Variants in ACTMAP observed in about 807,000 individuals in gnomAD.
ACTMAP encodes the protein UPF0692 protein C19orf54.
chr19:40,747,159 G>A, the ACTMAP span, among the ~76,000 whole-genome samples: 1 of 152,118 alleles, frequency 6.6e-6, no homozygotes, highest in Non-Finnish European at 1.5e-5. Flanking sequence ...TTCGGTTTGG[G>A]TGTTGGGGGG....
At chr19:40,749,379 C>G in the ACTMAP span, 1 of 1,210,706 alleles carries the variant, frequency 8.3e-7, no homozygotes, top group Non-Finnish European at 1.2e-6. Context: ...AAGTAGTCAG[C>G]CTGTTTGATC....
the ACTMAP span, chr19:40,744,677 C>T: frequency 3.7e-6 from 6 of 1,609,198 alleles, no homozygotes; most frequent in Admixed American, 6.7e-5. Flanking sequence ...AGGCCACCAG[C>T]CCGCATCTGG....
the ACTMAP span, among the ~76,000 whole-genome samples, chr19:40,743,525 G>A: frequency 1.3e-5 from 2 of 152,134 alleles, no homozygotes; most frequent in East Asian, 1.9e-4. Context: ...GAGCCACCGC[G>A]CCTGGCCAAG....
At chr19:40,742,734 C>T in the ACTMAP span, 1 of 1,611,378 alleles carries the variant, frequency 6.2e-7, no homozygotes, top group South Asian at 1.1e-5. Context: ...CTCAGTGTAG[C>T]CGAGACTGGG....
chr19:40,742,003 G>A, the ACTMAP span: 10 of 450,072 alleles, frequency 2.2e-5, no homozygotes, highest in East Asian at 4.2e-4. Flanking sequence ...TCAATGATCC[G>A]GGGATTTGAA....
the ACTMAP span, chr19:40,741,252 G>A: frequency 1.2e-5 from 4 of 345,888 alleles, no homozygotes; most frequent in Admixed American, 4.6e-5. Context: ...GACCAGCCTG[G>A]CCAACATGGC....
At chr19:40,742,515 AC>A in the ACTMAP span, 2 of 1,542,280 alleles carry the variant, frequency 1.3e-6, no homozygotes, top group Non-Finnish European at 1.7e-6. Context: ...CACCACGTAC[AC>A]CCGGCCGTCA....
the ACTMAP span, chr19:40,749,379 C>A: frequency 8.3e-7 from 1 of 1,210,704 alleles, no homozygotes; most frequent in Non-Finnish European, 1.2e-6. Context: ...AAGTAGTCAG[C>A]CTGTTTGATC....
chr19:40,749,602 C>T, the ACTMAP span: 2 of 1,550,730 alleles, frequency 1.3e-6, no homozygotes, highest in Admixed American at 2.0e-5. Context: ...TGACGGGGAG[C>T]AGGCCCTGTG....
chr19:40,747,151 C>T, the ACTMAP span, among the ~76,000 whole-genome samples: 11 of 152,002 alleles, frequency 7.2e-5, no homozygotes, highest in Admixed American at 4.6e-4. Flanking sequence ...AGGCAAGGTT[C>T]GGTTTGGGTG....
chr19:40,742,713 AG>A, the ACTMAP span: 2 of 1,612,448 alleles, frequency 1.2e-6, no homozygotes, highest in African/African-American at 2.7e-5. Context: ...CAGGCCCGGC[AG>A]CTCAGGGTCC....
At chr19:40,741,992 C>A in the ACTMAP span, 1 of 446,008 alleles carries the variant, frequency 2.2e-6, no homozygotes, top group Admixed American at 2.4e-5. Context: ...GGGGGTGGGA[C>A]TCAATGATCC....
the ACTMAP span, chr19:40,742,247 G>A: frequency 1.1e-5 from 8 of 728,254 alleles, no homozygotes; most frequent in South Asian, 6.1e-5. Context: ...CAGGGTCCGG[G>A]CTGTTGTCAA....
the ACTMAP span, among the ~76,000 whole-genome samples, chr19:40,748,914 G>T: frequency 6.6e-6 from 1 of 151,380 alleles, no homozygotes; most frequent in Non-Finnish European, 1.5e-5. Context: ...TGACAGCCCT[G>T]ACCACTCTGG....
the ACTMAP span, chr19:40,749,406 C>G: frequency 3.1e-5 from 41 of 1,343,872 alleles, no homozygotes; most frequent in Middle Eastern, 2.6e-4. Context: ...ACACGGGAAC[C>G]CCCCCCCCAC....
chr19:40,750,444 G>A, the ACTMAP span: 6 of 152,166 alleles, frequency 3.9e-5, no homozygotes, highest in South Asian at 2.1e-4. Context: ...CTGGAAAAAG[G>A]AAAGGAGTCA....
the ACTMAP span, among the ~76,000 whole-genome samples, chr19:40,748,971 C>T: frequency 6.7e-6 from 1 of 149,856 alleles, no homozygotes; most frequent in Non-Finnish European, 1.5e-5. Flanking sequence ...TCTCACTAGA[C>T]TGGGCATTTG....
chr19:40,749,567 C>G, the ACTMAP span: 2 of 1,551,344 alleles, frequency 1.3e-6, 1 homozygote, highest in East Asian at 4.9e-5. Flanking sequence ...CCTTCAGGAG[C>G]TGGCTCTTCT....
At chr19:40,742,770 C>G in the ACTMAP span, 1 of 1,604,548 alleles carries the variant, frequency 6.2e-7, no homozygotes, top group Non-Finnish European at 8.5e-7. Flanking sequence ...CAGCAGGACC[C>G]CTGGGGGAGA....
Sources: allele counts gnomAD v4.1 joint callset (sites outside exome capture counted in the v4.1 genomes callset), GRCh38; gene constraint gnomAD v4.1.1; transcripts MANE v1.5; gene names NCBI Gene and HGNC (gene_info 2026-07-23, HGNC 2026-07-21).